Variants in NAA25 observed in about 807,000 individuals in gnomAD.
NAA25 encodes the protein N-alpha-acetyltransferase 25, NatB auxiliary subunit, also known as N-terminal acetyltransferase B complex subunit NAA25.
In NAA25, 30 loss-of-function variants were observed where a neutral mutation model predicts 132.5. The ratio of observed to expected loss-of-function variants is 0.23; its 90% CI spans 0.17 to 0.31. The LOEUF is 0.31. Ranked by LOEUF, NAA25 falls within the 10% of genes least tolerant of loss-of-function variation. NAA25 has a pLI of 1.00. For missense variants in NAA25, 771 were observed against 1,150.4 expected, an observed-to-expected ratio of 0.67 and a Z score of 4.77; for synonymous variants, 359 against 401.9, an observed-to-expected ratio of 0.89 and a Z score of 1.28.
intron 9 of NAA25, among the ~76,000 whole-genome samples, chr12:112,073,654 TG>T (rs1337115444): frequency 2.0e-5 from 3 of 152,110 alleles, no homozygotes; most frequent in Non-Finnish European, 4.4e-5. Flanking sequence ...AGGATGGTCT[TG>T]ATCTCCTGAC....
intron 7 of NAA25, 146 bp from the exon 8 acceptor site, chr12:112,075,935 T>C (rs2078889409): frequency 1.7e-6 from 1 of 593,134 alleles, no homozygotes; most frequent in South Asian, 2.0e-5. Context: ...CAGGCTGGAG[T>C]GCAATGGCAC....
intron 9 of NAA25, 36 bp from the exon 10 acceptor site, chr12:112,072,100 C>CTCTATTGTCCTTCCCGAAGCTT: frequency 6.6e-7 from 1 of 1,515,952 alleles, no homozygotes; most frequent in East Asian, 2.4e-5. Flanking sequence ...ATTTTATTGC[C>CTCTATTGTCCTTCCCGAAGCTT]TCTATTGTCC....
At chr12:112,096,118 C>G (rs1039258230) in intron 1 of NAA25, among the ~76,000 whole-genome samples, 3 of 152,056 alleles carry the variant, frequency 2.0e-5, no homozygotes, top group Non-Finnish European at 2.9e-5. Context: ...TTTCTGTAAA[C>G]CATAAAGCAG....
At chr12:112,090,464 A>G in intron 3 of NAA25, 1 of 313,754 alleles carries the variant, frequency 3.2e-6, no homozygotes, top group Non-Finnish European at 5.8e-6. Flanking sequence ...TCCATATTAA[A>G]AAGTGAAAAT....
In NAA25 at chr12:112,026,740, T is replaced by C. The variant is rs1362424315; in HGVS notation, c.*2791A>G. On this transcript the variant is annotated 3_prime_UTR_variant, in exon 24 of 24. Coordinates refer to ENST00000261745, the MANE Select transcript of NAA25 (RefSeq NM_024953.4). ...ATAAATTAACCCATCCAGTTTAAAG[T>C]AGATTTGCTATGCTTCACTTACTTA... The C allele has an allele frequency of 2.0e-5, 3 of 152,204 alleles. No homozygotes were observed. The highest frequency in any genetic ancestry group is 1.9e-4 in the East Asian group (1 of 5,204). The allele number at this position is 152,204 out of a possible 1,614,324, so 9.4% of individuals were successfully genotyped here.
At chr12:112,060,391 C>T (rs1333717822) in intron 12 of NAA25, 32 bp from the exon 13 acceptor site, 1 of 1,479,228 alleles carries the variant, frequency 6.8e-7, no homozygotes, top group East Asian at 2.3e-5. Flanking sequence ...TCTATTTTAA[C>T]ATTTGTTCAA....
At chr12:112,042,503 A>AT (rs2078314492) in intron 19 of NAA25, among the ~76,000 whole-genome samples, 1 of 151,216 alleles carries the variant, frequency 6.6e-6, no homozygotes, top group African/African-American at 2.4e-5. Flanking sequence ...AGTGCTTCTT[A>AT]TTTTTATTTT....
At chr12:112,068,280 G>C (rs1251311730) in intron 11 of NAA25, among the ~76,000 whole-genome samples, 1 of 152,178 alleles carries the variant, frequency 6.6e-6, no homozygotes, top group African/African-American at 2.4e-5. Context: ...AGATGGGAGA[G>C]GGGGAGGTGG....
intron 23 of NAA25, 67 bp downstream of exon 23, chr12:112,033,166 A>T: frequency 1.4e-6 from 2 of 1,457,372 alleles, no homozygotes; most frequent in African/African-American, 2.8e-5. Flanking sequence ...TGTGATAAAG[A>T]TGAGAGAGAG....
chr12:112,068,457 C>CT (rs751110188), intron 11 of NAA25, among the ~76,000 whole-genome samples: 3 of 152,098 alleles, frequency 2.0e-5, no homozygotes, highest in Non-Finnish European at 2.9e-5. Flanking sequence ...CTGGCAAAAA[C>CT]TGAGTAAGTT....
chr12:112,046,978 T>G (rs2078391225), intron 17 of NAA25, among the ~76,000 whole-genome samples: 1 of 152,204 alleles, frequency 6.6e-6, no homozygotes, highest in Non-Finnish European at 1.5e-5. Context: ...TTTAAAAATA[T>G]TTTCTATATT....
chr12:112,093,002 A>G (rs1023469488), intron 2 of NAA25, 49 bp downstream of exon 2: 5 of 1,355,008 alleles, frequency 3.7e-6, no homozygotes, highest in Non-Finnish European at 5.2e-6. Context: ...GTAAGGAATT[A>G]CAAATATAAC....
chr12:112,044,478 G>A (rs1330105699), intron 17 of NAA25, among the ~76,000 whole-genome samples: 2 of 150,714 alleles, frequency 1.3e-5, no homozygotes, highest in African/African-American at 4.9e-5. Context: ...AGATCATCCT[G>A]ACTAATACGG....
chr12:112,092,111 C>A (rs374266898), intron 2 of NAA25, among the ~76,000 whole-genome samples: 1 of 151,564 alleles, frequency 6.6e-6, no homozygotes, highest in South Asian at 2.1e-4. Context: ...CGTGGTAGGA[C>A]GCGCCTGTAG....
At chr12:112,032,641 G>A (rs2078165044) in intron 23 of NAA25, among the ~76,000 whole-genome samples, 1 of 152,114 alleles carries the variant, frequency 6.6e-6, no homozygotes, top group South Asian at 2.1e-4. Context: ...ACTCCAGGCC[G>A]GTGAATTAAC....
At chr12:112,084,473 C>G (rs766473108) in intron 4 of NAA25, among the ~76,000 whole-genome samples, 6 of 152,164 alleles carry the variant, frequency 3.9e-5, no homozygotes, top group Non-Finnish European at 8.8e-5. Context: ...CTTCCTTAAG[C>G]AGCAATAATG....
In NAA25 at chr12:112,033,185, T is replaced by G. The variant is rs374225169; in HGVS notation, c.2796+48A>C. The stretch of plus-strand genomic sequence containing the variant: ...ATAAAGATGAGAGAGAGAGACAGAG[T>G]GTTTGTGTGTGTGTAGAAAACATTG... On this transcript the variant is annotated intron_variant, in intron 23 of 23. Coordinates refer to ENST00000261745, the MANE Select transcript of NAA25 (RefSeq NM_024953.4). 23 of 1,524,518 alleles carry G rather than the reference T, an allele frequency of 1.5e-5. No homozygotes were observed. The Admixed American group carries it at 4.9e-4, about 32-fold the overall frequency. The allele number at this position is 1,524,518 out of a possible 1,614,324, so 94.4% of individuals were successfully genotyped here. A position where few individuals can be genotyped will look rare whatever the true frequency, so the allele number is the denominator to read the frequency against.
intron 22 of NAA25, among the ~76,000 whole-genome samples, chr12:112,036,503 C>G (rs2078225410): frequency 6.6e-6 from 1 of 151,558 alleles, no homozygotes; most frequent in South Asian, 2.1e-4. Flanking sequence ...GTGGAAAGAA[C>G]TCTTGAAACT....
chr12:112,052,881 T>C (rs1050568841), intron 15 of NAA25, among the ~76,000 whole-genome samples: 3 of 152,238 alleles, frequency 2.0e-5, no homozygotes, highest in Non-Finnish European at 4.4e-5. Flanking sequence ...GACATTCCTT[T>C]TCTTCACATT....
Sources: allele counts gnomAD v4.1 joint callset (sites outside exome capture counted in the v4.1 genomes callset), GRCh38; gene constraint gnomAD v4.1.1; transcripts MANE v1.5; gene names NCBI Gene and HGNC (gene_info 2026-07-23, HGNC 2026-07-21).